UBAC2: variants seen among roughly 807,000 people sequenced by gnomAD.
UBAC2 encodes the protein ubiquitin-associated domain-containing protein 2.
UBAC2 carries 26 observed loss-of-function variants against 44.0 expected under a neutral mutation model. That is an observed-to-expected ratio of 0.59 (90% CI 0.43 to 0.82). The LOEUF (loss-of-function observed/expected upper bound fraction) is 0.82, where lower values mean the gene tolerates loss of function less well. Among genes scored for constraint, UBAC2 ranks in the 40% least tolerant of loss-of-function variants. The probability of loss-of-function intolerance (pLI) is 0.00; values close to 1 mark genes in which losing one functional copy is unlikely to be tolerated. For missense variants in UBAC2, 329 were observed against 419.4 expected (o/e 0.78, Z 1.88); for synonymous variants, 155 against 154.3 (o/e 1.00, Z -0.04).
intron 4 of UBAC2, among the ~76,000 whole-genome samples, chr13:99,299,665 C>G (rs1443969240): frequency 6.6e-6 from 1 of 151,952 alleles, no homozygotes; most frequent in East Asian, 1.9e-4. Context: ...TTGTAAAAAC[C>G]TTGTTATCTG....
rs371101437 is a variant in UBAC2, at chr13:99,291,014, C to CTAA, written c.390-23082_390-23080dup. ...TCAGGCTACAGGGTGGAACCTCTTA[C>CTAA]TAACCAAGTTTCAGTAAGTGGTGGC... On this transcript the variant is annotated intron_variant, in intron 4 of 8. Coordinates refer to ENST00000403766, the MANE Select transcript of UBAC2 (RefSeq NM_001144072.2). 2.9e-3 allele frequency among the ~76,000 whole-genome samples: 435 copies of CTAA among 152,258 alleles called. 2 individuals are homozygous for CTAA. Among genetic ancestry groups the CTAA allele is most frequent in the African/African-American group, 0.01 (422 of 41,546 alleles).
At chr13:99,252,571 T>C (rs2043471309) in intron 4 of UBAC2, among the ~76,000 whole-genome samples, 1 of 152,216 alleles carries the variant, frequency 6.6e-6, no homozygotes, top group Admixed American at 6.5e-5. Context: ...AACTCCATTA[T>C]TAAAAGCCAT....
At chr13:99,372,010 G>A (rs2045412932) in intron 8 of UBAC2, among the ~76,000 whole-genome samples, 1 of 152,112 alleles carries the variant, frequency 6.6e-6, no homozygotes, top group African/African-American at 2.4e-5. Context: ...GTAAACCCAC[G>A]GCACCTCTGC....
chr13:99,348,637 T>C (rs1434743801), intron 7 of UBAC2, among the ~76,000 whole-genome samples: 16 of 152,220 alleles, frequency 1.1e-4, no homozygotes, highest in Admixed American at 9.2e-4. Flanking sequence ...GGTGGATCAG[T>C]GAGGCCTTTT....
intron 6 of UBAC2, among the ~76,000 whole-genome samples, chr13:99,329,821 C>A (rs1304333955): frequency 6.6e-6 from 1 of 152,198 alleles, no homozygotes; most frequent in Non-Finnish European, 1.5e-5. Flanking sequence ...GACCTTGAGC[C>A]ATAACCACTC....
chr13:99,210,246 A>G (rs2042922154), intron 1 of UBAC2, among the ~76,000 whole-genome samples: 1 of 152,236 alleles, frequency 6.6e-6, no homozygotes. Flanking sequence ...CAATTCTGTG[A>G]TGCAGGAAAG....
At chr13:99,327,521 G>A (rs956082834) in intron 6 of UBAC2, among the ~76,000 whole-genome samples, 1 of 151,910 alleles carries the variant, frequency 6.6e-6, no homozygotes, top group East Asian at 1.9e-4. Context: ...TCCAGTGTTT[G>A]TCTTCGGGGA....
intron 4 of UBAC2, among the ~76,000 whole-genome samples, chr13:99,291,129 GTT>G (rs2044084466): frequency 2.6e-5 from 4 of 152,202 alleles, no homozygotes; most frequent in Admixed American, 2.0e-4. Context: ...TGTTGCTATA[GTT>G]TCCTCATCAG....
chr13:99,252,330 A>G (rs201554689), intron 4 of UBAC2, among the ~76,000 whole-genome samples: 1 of 152,168 alleles, frequency 6.6e-6, no homozygotes, highest in South Asian at 2.1e-4. Flanking sequence ...TTTGAGGGGG[A>G]ACCAAGTTTT....
At chr13:99,346,180 C>T (rs1281195367) in intron 7 of UBAC2, among the ~76,000 whole-genome samples, 2 of 152,212 alleles carry the variant, frequency 1.3e-5, no homozygotes, top group African/African-American at 4.8e-5. Flanking sequence ...TCCTTCCTGC[C>T]TTCCCCACCA....
intron 7 of UBAC2, 60 bp downstream of exon 7, chr13:99,340,625 C>A: frequency 1.9e-6 from 3 of 1,554,090 alleles, no homozygotes; most frequent in Non-Finnish European, 2.6e-6. Context: ...GCAAATCTTT[C>A]CTCTGTGATT....
At chr13:99,353,044 A>G (rs1251271369) in intron 7 of UBAC2, among the ~76,000 whole-genome samples, 1 of 152,126 alleles carries the variant, frequency 6.6e-6, no homozygotes, top group African/African-American at 2.4e-5. Context: ...ATGCTCTTTC[A>G]CTTTTTGGTG....
chr13:99,200,998 T>A, intron 1 of UBAC2, 59 bp downstream of exon 1: 1 of 1,295,058 alleles, frequency 7.7e-7, no homozygotes, highest in Non-Finnish European at 9.9e-7. Flanking sequence ...GGCACCTCTT[T>A]GAGGAGGCTG....
At chr13:99,314,050 G>A (rs1566498118) in intron 4 of UBAC2, 47 bp from the exon 5 acceptor site, 1 of 1,549,328 alleles carries the variant, frequency 6.5e-7, no homozygotes, top group Non-Finnish European at 8.7e-7. Context: ...TGCCATTTGT[G>A]TTTAAAATTC....
chr13:99,301,623 G>A (rs1306295346), intron 4 of UBAC2, among the ~76,000 whole-genome samples: 1 of 151,894 alleles, frequency 6.6e-6, no homozygotes, highest in African/African-American at 2.4e-5. Context: ...TGAACTGACA[G>A]GTTCTTTCTA....
At chr13:99,289,790 C>G (rs1292249030) in intron 4 of UBAC2, among the ~76,000 whole-genome samples, 1 of 152,152 alleles carries the variant, frequency 6.6e-6, no homozygotes, top group Non-Finnish European at 1.5e-5. Flanking sequence ...CTCACTTACT[C>G]ATTCAGGGAC....
intron 4 of UBAC2, among the ~76,000 whole-genome samples, chr13:99,303,993 G>C (rs1410819694): frequency 6.6e-6 from 1 of 152,118 alleles, no homozygotes; most frequent in Non-Finnish European, 1.5e-5. Flanking sequence ...TCTGCCTGTT[G>C]TGTGCCATTC....
At chr13:99,272,293 G>A (rs1164462125) in intron 4 of UBAC2, among the ~76,000 whole-genome samples, 1 of 152,150 alleles carries the variant, frequency 6.6e-6, no homozygotes, top group Non-Finnish European at 1.5e-5. Flanking sequence ...TTTTAAGCAT[G>A]TATAAGAAAG....
intron 8 of UBAC2, among the ~76,000 whole-genome samples, chr13:99,383,388 A>C (rs921646570): frequency 1.3e-5 from 2 of 152,176 alleles, no homozygotes; most frequent in African/African-American, 4.8e-5. Flanking sequence ...TTTGTTAGCT[A>C]CTGTTTTTTG....
Sources: allele counts gnomAD v4.1 joint callset (sites outside exome capture counted in the v4.1 genomes callset), GRCh38; gene constraint gnomAD v4.1.1; transcripts MANE v1.5; gene names NCBI Gene and HGNC (gene_info 2026-07-23, HGNC 2026-07-21).